The following IDNK variants were observed in gnomAD, a reference collection of about 807,000 sequenced individuals.
IDNK encodes IDNK gluconokinase, also known as gluconokinase.
IDNK carries 9 observed loss-of-function variants against 13.0 expected under a neutral mutation model. That is an observed-to-expected ratio of 0.69 (90% confidence interval 0.42 to 1.21). IDNK has a LOEUF of 1.21. IDNK is among the 50% of genes most tolerant of loss of function. The pLI is 0.00. For synonymous variants in IDNK, 92 were observed against 94.9 expected, an observed-to-expected ratio of 0.97 and a Z score of 0.18; for missense variants, 210 against 237.8, an observed-to-expected ratio of 0.88 and a Z score of 0.77.
chr9:83,631,451 GAAAAAAA>G (rs57832482), intron 3 of IDNK, among the ~76,000 whole-genome samples: 1 of 56,946 alleles, frequency 1.8e-5, no homozygotes. Context: ...TACAAAAACT[GAAAAAAA>G]AAAAAAAAAA....
At chr9:83,641,619 G>A (rs1328080296) in intron 4 of IDNK, 28 bp downstream of exon 4, 11 of 1,610,224 alleles carry the variant, frequency 6.8e-6, no homozygotes, top group Non-Finnish European at 8.5e-6. Context: ...CTTGGCATAA[G>A]CCAAAGCCAG....
rs961446482 is a variant in IDNK at position 83,625,538 on chromosome 9, C to G, written c.50+2317C>G. 2.6e-5 allele frequency among the ~76,000 whole-genome samples: 4 copies of G among 152,162 alleles called. No individual in the cohort carries two copies. In the East Asian group the frequency reaches 7.7e-4, roughly 29 times the overall value. The stretch of plus-strand genomic sequence containing the variant: ...CTGGGGACTTTCAGTGGCGCAGGGT[C>G]AGGGAGATGTGTCCAATGTTATTGA... On this transcript the variant is annotated intron_variant, in intron 1 of 4. Coordinates refer to ENST00000376419, the MANE Select transcript of IDNK (RefSeq NM_001001551.4).
At chr9:83,627,853 CAA>C (rs149062579) in intron 1 of IDNK, among the ~76,000 whole-genome samples, 4,627 of 73,832 alleles carry the variant, frequency 0.063, 54 homozygotes, top group African/African-American at 0.16. Context: ...ATCCCCACCA[CAA>C]AAAAAAAAAA....
At chr9:83,623,500 A>C in intron 1 of IDNK, 1 of 402,862 alleles carries the variant, frequency 2.5e-6, no homozygotes. Flanking sequence ...CCGCTCCTGA[A>C]CAGGCGGCTG....
At chr9:83,623,097 C>A, upstream of IDNK, 1 of 1,253,618 alleles carries the variant, frequency 8.0e-7, no homozygotes, top group Non-Finnish European at 1.0e-6. Flanking sequence ...GCGAGAGCGG[C>A]TCCGCCCCTC....
chr9:83,631,267 G>A (rs1005374766), intron 3 of IDNK, among the ~76,000 whole-genome samples: 8 of 151,964 alleles, frequency 5.3e-5, no homozygotes, highest in African/African-American at 1.9e-4. Flanking sequence ...TTTTGTGTTC[G>A]GAGGGCTCAG....
chr9:83,643,254 T>C (rs112843499), intron 4 of IDNK, among the ~76,000 whole-genome samples, 175 bp from the exon 5 acceptor site: 368 of 152,340 alleles, frequency 2.4e-3, no homozygotes, highest in African/African-American at 8.3e-3. Context: ...TTGTTCACTT[T>C]ACTAGCAGAA....
chr9:83,623,408 G>A, intron 1 of IDNK, 187 bp downstream of exon 1: 2 of 617,282 alleles, frequency 3.2e-6, no homozygotes, highest in Admixed American at 3.1e-5. Flanking sequence ...CTCGCGGGGC[G>A]CCCATCCTGG....
chr9:83,623,361 C>G, intron 1 of IDNK, 140 bp downstream of exon 1: 1 of 788,116 alleles, frequency 1.3e-6, no homozygotes, highest in Non-Finnish European at 1.9e-6. Context: ...AAACCGAGGC[C>G]CGCGGCTGCC....
At chr9:83,636,383 C>T (rs996398756) in intron 3 of IDNK, among the ~76,000 whole-genome samples, 5 of 152,174 alleles carry the variant, frequency 3.3e-5, no homozygotes, top group Non-Finnish European at 7.3e-5. Context: ...GTCAATCCAG[C>T]TAATTGTCCC....
chr9:83,627,966 T>C (rs948753463), intron 1 of IDNK: 4 of 1,303,822 alleles, frequency 3.1e-6, no homozygotes, highest in Admixed American at 6.5e-5. Flanking sequence ...AAAGAAATAG[T>C]GTTAACTAAT....
At chr9:83,636,575 A>C (rs1178321201) in intron 3 of IDNK, among the ~76,000 whole-genome samples, 1 of 152,190 alleles carries the variant, frequency 6.6e-6, no homozygotes, top group Non-Finnish European at 1.5e-5. Flanking sequence ...GCCAATAATA[A>C]GCATTAAATA....
intron 2 of IDNK, 24 bp from the exon 3 acceptor site, chr9:83,628,849 C>G (rs760603208): frequency 6.4e-7 from 1 of 1,563,124 alleles, no homozygotes; most frequent in Non-Finnish European, 8.8e-7. Context: ...CTGCCACATA[C>G]ACCCTTTCAC....
chr9:83,628,234 T>C, intron 2 of IDNK, 23 bp downstream of exon 2: 1 of 1,528,836 alleles, frequency 6.5e-7, no homozygotes, highest in Non-Finnish European at 8.9e-7. Context: ...TCCTAATGCC[T>C]TCCGAGTGCT....
rs1039133120 is a variant in IDNK, at chr9:83,628,168, G to C, written c.51-13G>C. The C allele has an allele frequency of 5.8e-6, 9 of 1,550,394 alleles. No homozygotes were observed. Among genetic ancestry groups the C allele is most frequent in the Middle Eastern group, 1.7e-4 (1 of 6,014 alleles). On this transcript the variant is annotated splice_polypyrimidine_tract_variant and intron_variant, in intron 1 of 4. Coordinates refer to ENST00000376419, the MANE Select transcript of IDNK (RefSeq NM_001001551.4). ...GCAGGGCAGTAACGGGAACATCTGT[G>C]TCCTCTCCACAGATCCACCGTGGGC...
At chr9:83,637,716 G>C (rs897068773) in intron 3 of IDNK, among the ~76,000 whole-genome samples, 2 of 152,222 alleles carry the variant, frequency 1.3e-5, no homozygotes, top group African/African-American at 4.8e-5. Context: ...GGAGGCTGAG[G>C]TTTTGATGAG....
At chr9:83,630,990 G>T (rs1030256848) in intron 3 of IDNK, among the ~76,000 whole-genome samples, 4 of 152,132 alleles carry the variant, frequency 2.6e-5, no homozygotes, top group Non-Finnish European at 5.9e-5. Flanking sequence ...AACGACAGAT[G>T]GTTTACATTC....
chr9:83,627,940 T>C, intron 1 of IDNK: 1 of 1,124,298 alleles, frequency 8.9e-7, no homozygotes, highest in Non-Finnish European at 1.1e-6. Context: ...TGAGATCTTA[T>C]ATATTGCCTT....
intron 3 of IDNK, among the ~76,000 whole-genome samples, chr9:83,632,317 T>A (rs867854461): frequency 1.3e-5 from 2 of 152,160 alleles, no homozygotes; most frequent in African/African-American, 2.4e-5. Flanking sequence ...GATGTTTCCA[T>A]AGGCCAAGAA....
Sources: allele counts gnomAD v4.1 joint callset (sites outside exome capture counted in the v4.1 genomes callset), GRCh38; gene constraint gnomAD v4.1.1; transcripts MANE v1.5; gene names NCBI Gene and HGNC (gene_info 2026-07-23, HGNC 2026-07-21).